Variants in ARL10 observed in about 807,000 individuals in gnomAD.
ARL10 encodes the protein ARF like GTPase 10.
In ARL10, 23 loss-of-function variants were observed where a neutral mutation model predicts 26.1. That is an observed-to-expected ratio of 0.88 (90% CI 0.63 to 1.25). ARL10 has a LOEUF of 1.25. Ranked by LOEUF, ARL10 falls within the 50% of genes most tolerant of loss-of-function variation. The pLI, the probability that ARL10 is intolerant of heterozygous loss-of-function variation, is 0.00. For missense variants in ARL10, 300 were observed against 323.6 expected, an observed-to-expected ratio of 0.93 and a Z score of 0.56; for synonymous variants, 138 against 149.1, an observed-to-expected ratio of 0.93 and a Z score of 0.54.
chr5:176,367,877 C>T (rs1336547502), intron 2 of ARL10: 5 of 518,916 alleles, frequency 9.6e-6, no homozygotes, highest in Admixed American at 2.1e-5. Context: ...TTGCCATGTC[C>T]TTCCCAGTTA....
intron 1 of ARL10, chr5:176,396,623 A>G (rs940392946): frequency 1.1e-6 from 1 of 890,886 alleles, no homozygotes; most frequent in African/African-American, 1.7e-5. Context: ...AGAGAGAGAG[A>G]CAGCATTAGT....
chr5:176,366,284 G>T, intron 1 of ARL10, 96 bp from the exon 2 acceptor site: 1 of 1,422,490 alleles, frequency 7.0e-7, no homozygotes, highest in East Asian at 2.5e-5. Context: ...AGGACGGGTG[G>T]AAGGCGGGCC....
At chr5:176,390,778 G>T (rs2113612051), downstream of ARL10, among the ~76,000 whole-genome samples, 1 of 152,204 alleles carries the variant, frequency 6.6e-6, no homozygotes, top group Non-Finnish European at 1.5e-5. Context: ...CAGTATAGAA[G>T]AGGAAACAGG....
chr5:176,377,221 G>C lies in ARL10; in HGVS notation c.*5326G>C, dbSNP rs1406989935. 1 of 152,158 alleles carries C rather than the reference G, an allele frequency of 6.6e-6. No individual in the cohort carries two copies. Among genetic ancestry groups the C allele is most frequent in the Non-Finnish European group, 1.5e-5 (1 of 68,020 alleles). 9.4% of individuals were successfully genotyped at this position (152,158 alleles called of 1,614,324 possible). On this transcript the variant is annotated 3_prime_UTR_variant, in exon 4 of 4. Coordinates refer to ENST00000310389, the MANE Select transcript of ARL10 (RefSeq NM_173664.6). This position sits in a 1 kb window ranked among gnomAD's most constrained non-coding sequence, Gnocchi z 4.5. ...ATTCAAAGCCAATGGTGGTATCTTT[G>C]GCCAAGATAATCCAATCGATTCAGT... is the stretch of plus-strand genomic sequence containing the variant.
At position 176,374,435 on chromosome 5, in the gene ARL10, C is replaced by G. The variant is rs781179945; in HGVS notation, c.*2540C>G. On this transcript the variant is annotated 3_prime_UTR_variant, in exon 4 of 4. Transcript: ENST00000310389. ...AACCGTAATGAGACCATTTGAGGTA[C>G]AAAGGATGACTGCATTGGTGTACTT... The G allele has an allele frequency of 6.6e-6, 1 of 152,186 alleles. No homozygotes were observed. The highest frequency in any genetic ancestry group is 1.5e-5 in the Non-Finnish European group (1 of 68,040). 9.4% of individuals were successfully genotyped at this position (152,186 alleles called of 1,614,324 possible).
downstream of ARL10, among the ~76,000 whole-genome samples, chr5:176,385,707 A>G (rs1487130799): frequency 6.6e-6 from 1 of 152,230 alleles, no homozygotes; most frequent in East Asian, 1.9e-4. Flanking sequence ...TAAGCCTCTC[A>G]GAGAAGCTCT....
At chr5:176,383,378 G>A (rs1449918539), downstream of ARL10, among the ~76,000 whole-genome samples, 1 of 152,250 alleles carries the variant, frequency 6.6e-6, no homozygotes, top group African/African-American at 2.4e-5. Context: ...TACCCTGCTT[G>A]TGATCCTGCT....
In ARL10 at chr5:176,366,392, G is replaced by C. The variant is rs150819260; in HGVS notation, c.196G>C (p.Glu66Gln). Residue 66 changes from glutamate (E) to glutamine (Q), a missense_variant, in exon 2 of 4, where the codon GAG (glutamate) becomes CAG (glutamine). Coordinates refer to ENST00000310389, the MANE Select transcript of ARL10 (RefSeq NM_173664.6). ...CGCTTCCCCGCAGCCCGAGGACGAGGAGGACGAGGAGCCGGCGCTGGAGGA... is the reference window on the plus strand; with the variant it reads ...CGCTTCCCCGCAGCCCGAGGACGAGCAGGACGAGGAGCCGGCGCTGGAGGA... ...EWDEWDPEDE[E>Q]DEEPALEELE... 3.7e-6 allele frequency: 6 copies of C among 1,609,718 alleles called. No individual in the cohort carries two copies. The South Asian group carries it at 6.6e-5, about 18-fold the overall frequency.
downstream of ARL10, chr5:176,385,331 G>C: frequency 6.5e-7 from 1 of 1,531,478 alleles, no homozygotes; most frequent in South Asian, 1.1e-5. Flanking sequence ...TCCAGGTCTG[G>C]AGTGATGAGA....
intron 1 of ARL10, among the ~76,000 whole-genome samples, 153 bp downstream of exon 1, chr5:176,365,899 G>A (rs528962416): frequency 1.3e-5 from 2 of 152,316 alleles, no homozygotes; most frequent in Non-Finnish European, 2.9e-5. Flanking sequence ...GCCCCGCGCG[G>A]GTGGGCGGTC....
chr5:176,369,070 G>C, intron 3 of ARL10, 88 bp downstream of exon 3: 1 of 1,557,000 alleles, frequency 6.4e-7, no homozygotes, highest in Non-Finnish European at 8.6e-7. Flanking sequence ...TGGGCCCATG[G>C]CCTGGAGAGG....
intron 2 of ARL10, among the ~76,000 whole-genome samples, chr5:176,367,617 G>T (rs1320791806): frequency 1.3e-5 from 2 of 151,944 alleles, no homozygotes; most frequent in East Asian, 3.9e-4. Flanking sequence ...TCTCCTTCTT[G>T]CAGTGCCTCA....
chr5:176,412,785 G>C, the ARL10 span, among the ~76,000 whole-genome samples: 2 of 152,116 alleles, frequency 1.3e-5, no homozygotes, highest in Admixed American at 1.3e-4. Flanking sequence ...CTCCTGCATG[G>C]GTGTCCTGGC....
chr5:176,408,824 T>G, the ARL10 span, among the ~76,000 whole-genome samples: 5 of 152,202 alleles, frequency 3.3e-5, no homozygotes, highest in African/African-American at 9.6e-5. Context: ...CCGGCTGGGT[T>G]TTCCTCGTTT....
At chr5:176,366,073 C>T (rs1768286734) in intron 1 of ARL10, among the ~76,000 whole-genome samples, 1 of 152,176 alleles carries the variant, frequency 6.6e-6, no homozygotes, top group African/African-American at 2.4e-5. Context: ...GGCTCGCGCC[C>T]CTCCGGCGCC....
intron 1 of ARL10, among the ~76,000 whole-genome samples, chr5:176,387,294 G>A (rs747623975): frequency 6.6e-6 from 1 of 152,090 alleles, no homozygotes; most frequent in South Asian, 2.1e-4. Context: ...TGGCCAGGCC[G>A]GTCTCAAACT....
downstream of ARL10, among the ~76,000 whole-genome samples, chr5:176,390,962 CT>C (rs940403992): frequency 1.3e-5 from 2 of 152,214 alleles, no homozygotes; most frequent in African/African-American, 2.4e-5. Flanking sequence ...TATTCCTGGT[CT>C]GTGGTCAGCG....
downstream of ARL10, chr5:176,384,261 A>G (rs1755651280): frequency 6.2e-7 from 1 of 1,614,230 alleles, no homozygotes; most frequent in East Asian, 2.2e-5. Context: ...TCTTCTGCAA[A>G]GAATCGAGGA....
Position 176,372,215 on chromosome 5 carries a change from A to G in ARL10, c.*320A>G. 3.6e-6 allele frequency: 2 copies of G among 552,444 alleles called. No individual in the cohort carries two copies. Among genetic ancestry groups the G allele is most frequent in the South Asian group, 8.2e-5 (2 of 24,454 alleles). 34.2% of individuals were successfully genotyped at this position (552,444 alleles called of 1,614,324 possible). ...AGATGCTCAGTGGGCTCAATCCTCC[A>G]CTACAGGTCCCGGTACCTGAGGAAC... is the stretch of plus-strand genomic sequence containing the variant. On this transcript the variant is annotated 3_prime_UTR_variant, in exon 4 of 4. Coordinates refer to ENST00000310389, the MANE Select transcript of ARL10 (RefSeq NM_173664.6).
Sources: gnomAD v4.1 joint callset for allele counts (sites outside exome capture counted in the v4.1 genomes callset) on GRCh38, gnomAD v4.1.1 for gene constraint, Gnocchi (gnomAD v3.1) non-coding constraint, MANE v1.5 for transcripts, NCBI Gene and HGNC (gene_info 2026-07-23, HGNC 2026-07-21) for gene names.